SOX5: variants seen among roughly 807,000 people sequenced by gnomAD.
SOX5 encodes transcription factor SOX-5.
In SOX5, 9 loss-of-function variants were observed where a neutral mutation model predicts 92.0. That is an observed-to-expected ratio of 0.10 (90% CI 0.06 to 0.17). The LOEUF is 0.17. Ranked by LOEUF, SOX5 falls within the 10% of genes least tolerant of loss-of-function variation. The pLI, the probability that SOX5 is intolerant of heterozygous loss-of-function variation, is 1.00. For missense variants in SOX5, 642 were observed against 944.5 expected (o/e 0.68, Z 4.20); for synonymous variants, 344 against 336.3 (o/e 1.02, Z -0.25).
At chr12:24,075,362 T>C (rs1194575579) in intron 4 of SOX5, among the ~76,000 whole-genome samples, 1 of 150,000 alleles carries the variant, frequency 6.7e-6, no homozygotes, top group Non-Finnish European at 1.5e-5. Context: ...AGCACATAAG[T>C]CTTAAATGAA....
intron 1 of SOX5, among the ~76,000 whole-genome samples, chr12:24,428,812 A>G (rs1967081261): frequency 1.3e-5 from 2 of 150,910 alleles, no homozygotes; most frequent in South Asian, 4.2e-4. Context: ...CCATCATTCT[A>G]CAACGATTTT....
chr12:24,122,329 C>A lies in SOX5; in HGVS notation c.-2+91014G>T, dbSNP rs76094093. On this transcript the variant is annotated intron_variant, in intron 4 of 4. Transcript: ENST00000446891. ...AGATCCAGTCAAAGCAAAAGTGGAC[C>A]AGCTGAGAGCAAAGATCATGACAAA... 8.2e-3 allele frequency among the ~76,000 whole-genome samples: 1,246 copies of A among 152,216 alleles called. 7 individuals are homozygous for A. Among genetic ancestry groups the A allele is most frequent in the Non-Finnish European group, 0.013 (896 of 68,018 alleles).
chr12:24,518,642 A>T (rs530968277), intron 1 of SOX5, among the ~76,000 whole-genome samples: 18 of 152,292 alleles, frequency 1.2e-4, no homozygotes, highest in Non-Finnish European at 2.4e-4. Context: ...CACTTTTGTG[A>T]TCCATTTATT....
At chr12:23,709,723 T>C (rs2091848619) in intron 6 of SOX5, among the ~76,000 whole-genome samples, 1 of 152,194 alleles carries the variant, frequency 6.6e-6, no homozygotes. Flanking sequence ...GTATGGTATG[T>C]GTTTGTGTTT....
At chr12:23,771,691 T>G (rs1276594606) in intron 3 of SOX5, among the ~76,000 whole-genome samples, 1 of 152,168 alleles carries the variant, frequency 6.6e-6, no homozygotes, top group Non-Finnish European at 1.5e-5. Flanking sequence ...AGTGTCACAC[T>G]CAATGCCTAA....
At chr12:23,910,433 G>A (rs564925445) in intron 1 of SOX5, among the ~76,000 whole-genome samples, 20 of 152,158 alleles carry the variant, frequency 1.3e-4, no homozygotes, top group East Asian at 3.9e-4. Flanking sequence ...AAGATTTCCC[G>A]CAGGTTTAAA....
intron 3 of SOX5, among the ~76,000 whole-genome samples, chr12:23,782,339 C>T (rs149394603): frequency 6.6e-6 from 1 of 152,102 alleles, no homozygotes; most frequent in African/African-American, 2.4e-5. Flanking sequence ...AATACAATTA[C>T]CTAATAAAGA....
chr12:24,370,662 C>T (rs541276831), intron 1 of SOX5, among the ~76,000 whole-genome samples: 2 of 151,514 alleles, frequency 1.3e-5, no homozygotes, highest in Non-Finnish European at 2.9e-5. Flanking sequence ...CGTGGGGGCA[C>T]GCGCGTGTAG....
intron 4 of SOX5, among the ~76,000 whole-genome samples, chr12:24,151,153 C>A (rs1326833205): frequency 6.6e-6 from 1 of 151,942 alleles, no homozygotes; most frequent in Non-Finnish European, 1.5e-5. Flanking sequence ...AAGGGTGGTT[C>A]CATGTTTATA....
At chr12:24,263,182 A>C (rs1486780483) in intron 3 of SOX5, among the ~76,000 whole-genome samples, 1 of 151,942 alleles carries the variant, frequency 6.6e-6, no homozygotes, top group Non-Finnish European at 1.5e-5. Context: ...CCAAGATTGC[A>C]CCACTGCACT....
At chr12:24,290,046 T>C (rs558054434) in intron 2 of SOX5, among the ~76,000 whole-genome samples, 1 of 152,332 alleles carries the variant, frequency 6.6e-6, no homozygotes, top group East Asian at 1.9e-4. Context: ...GTACTAAACT[T>C]TCCTTTGTCT....
intron 4 of SOX5, among the ~76,000 whole-genome samples, chr12:24,072,750 T>C (rs12369092): frequency 0.037 from 5,627 of 152,290 alleles, 115 homozygotes; most frequent in Middle Eastern, 0.051. Context: ...TAATAAAGTG[T>C]CTCACATGCC....
intron 9 of SOX5, among the ~76,000 whole-genome samples, chr12:23,599,391 A>G (rs79109875): frequency 0.053 from 8,089 of 152,322 alleles, 275 homozygotes; most frequent in Middle Eastern, 0.095. Context: ...CATCACTGTC[A>G]GAAGTATTCG....
At chr12:24,049,587 G>GTAGGTAA (rs1957354035) in intron 4 of SOX5, among the ~76,000 whole-genome samples, 1 of 144,908 alleles carries the variant, frequency 6.9e-6, no homozygotes, top group Non-Finnish European at 1.5e-5. Context: ...CAAAGAATCA[G>GTAGGTAA]TAGGTAATAA....
intron 4 of SOX5, among the ~76,000 whole-genome samples, chr12:24,052,597 AGTG>A (rs1363819318): frequency 6.6e-6 from 1 of 152,198 alleles, no homozygotes; most frequent in Non-Finnish European, 1.5e-5. Context: ...GAAAGCAGTT[AGTG>A]TTGTCAGAAT....
At chr12:24,513,086 C>T (rs1343759097) in intron 1 of SOX5, among the ~76,000 whole-genome samples, 1 of 152,134 alleles carries the variant, frequency 6.6e-6, no homozygotes, top group African/African-American at 2.4e-5. Flanking sequence ...AGCAGTGAGC[C>T]GCAGCTCCCA....
intron 9 of SOX5, 59 bp downstream of exon 9, chr12:23,604,328 A>C: frequency 6.4e-7 from 1 of 1,571,478 alleles, no homozygotes; most frequent in Non-Finnish European, 8.8e-7. Context: ...CATTTAATAA[A>C]TACCATTGAA....
intron 3 of SOX5, among the ~76,000 whole-genome samples, chr12:24,248,726 ACTCT>A (rs765154307): frequency 8.8e-5 from 13 of 147,002 alleles, no homozygotes; most frequent in Non-Finnish European, 2.0e-4. Flanking sequence ...CCACATTCTC[ACTCT>A]CTCTCCTTCA....
intron 1 of SOX5, among the ~76,000 whole-genome samples, chr12:24,383,472 T>C (rs1012424069): frequency 6.6e-6 from 1 of 152,230 alleles, no homozygotes; most frequent in East Asian, 1.9e-4. Context: ...AAATCTTCAA[T>C]GGAAAATTCC....
Sources: gnomAD v4.1 joint callset for allele counts (sites outside exome capture counted in the v4.1 genomes callset) on GRCh38, gnomAD v4.1.1 for gene constraint, MANE v1.5 for transcripts, NCBI Gene and HGNC (gene_info 2026-07-23, HGNC 2026-07-21) for gene names.